The following ARMC2 variants were observed in gnomAD, a reference collection of about 807,000 sequenced individuals.
ARMC2 encodes the protein armadillo repeat-containing protein 2.
A neutral mutation model predicts 90.3 loss-of-function variants in ARMC2; 67 were observed. The observed-to-expected ratio is 0.74, with a 90% confidence interval of 0.61 to 0.91. ARMC2 has a LOEUF of 0.91. Among genes scored for constraint, ARMC2 ranks in the 40% least tolerant of loss-of-function variants. The pLI, the probability that ARMC2 is intolerant of heterozygous loss-of-function variation, is 0.00. For missense variants in ARMC2, 920 were observed against 1,030.9 expected (o/e 0.89, Z 1.47); for synonymous variants, 393 against 393.0 (o/e 1.00, Z 0.00).
At chr6:108,963,812 A>G (rs2128513971) in intron 15 of ARMC2, among the ~76,000 whole-genome samples, 1 of 152,308 alleles carries the variant, frequency 6.6e-6, no homozygotes. Flanking sequence ...AGGACTGTGT[A>G]TTTAAAGACA....
intron 3 of ARMC2, among the ~76,000 whole-genome samples, chr6:108,865,164 G>T (rs1775688630): frequency 6.6e-6 from 1 of 151,954 alleles, no homozygotes; most frequent in African/African-American, 2.4e-5. Context: ...TGTATTTTTA[G>T]TAGAGATGGG....
chr6:108,959,252 A>G lies in ARMC2; in HGVS notation c.1916-2320A>G, dbSNP rs1422707333. On this transcript the variant is annotated intron_variant, in intron 13 of 17. Coordinates refer to ENST00000392644, the MANE Select transcript of ARMC2 (RefSeq NM_032131.6). The stretch of plus-strand genomic sequence containing the variant: ...AATGACTGAGCTTTCCTTTCAACAT[A>G]GTAATTTATAAAAAGGCTGTTCTCT... 3.3e-5 allele frequency among the ~76,000 whole-genome samples: 5 copies of G among 152,288 alleles called. No individual in the cohort carries two copies. In the East Asian group the frequency reaches 9.6e-4, roughly 29 times the overall value.
chr6:108,862,952 T>C (rs749786527), intron 3 of ARMC2, among the ~76,000 whole-genome samples: 1 of 152,172 alleles, frequency 6.6e-6, no homozygotes, highest in Non-Finnish European at 1.5e-5. Flanking sequence ...CTCCCCATCC[T>C]ATCTGGCATG....
intron 12 of ARMC2, among the ~76,000 whole-genome samples, chr6:108,939,478 GCT>G (rs1047883028): frequency 6.6e-6 from 1 of 152,008 alleles, no homozygotes; most frequent in Non-Finnish European, 1.5e-5. Context: ...ACCTCCCCCT[GCT>G]CTCTCTCTTC....
chr6:108,894,353 A>G (rs2128457183), intron 5 of ARMC2, 114 bp from the exon 6 acceptor site: 2 of 863,506 alleles, frequency 2.3e-6, no homozygotes, highest in Non-Finnish European at 1.7e-6. Context: ...TGGATGACAG[A>G]GTGAGACCTA....
chr6:108,876,364 T>G lies in ARMC2; in HGVS notation c.671+14T>G. ...CAAGAATGGAGGGTCAGTATTCTTT[T>G]TATTTAATTTTCTGGTCAGGATAAT... is the stretch of plus-strand genomic sequence containing the variant. On this transcript the variant is annotated intron_variant, in intron 5 of 17. Coordinates refer to ENST00000392644, the MANE Select transcript of ARMC2 (RefSeq NM_032131.6). 1 of 1,600,616 alleles carries G rather than the reference T, an allele frequency of 6.2e-7. No homozygotes were observed. The highest frequency in any genetic ancestry group is 1.1e-5 in the South Asian group (1 of 88,806).
the ARMC2 span, chr6:109,001,315 T>C: frequency 1.2e-6 from 2 of 1,613,770 alleles, no homozygotes; most frequent in South Asian, 2.2e-5. Context: ...GACGATAATG[T>C]AGGGGTAACG....
At chr6:109,028,686 C>G in the ARMC2 span, among the ~76,000 whole-genome samples, 1 of 152,152 alleles carries the variant, frequency 6.6e-6, no homozygotes, top group African/African-American at 2.4e-5. Context: ...ACATGGAAGA[C>G]TGGGCAACAC....
At chr6:109,039,954 G>A in the ARMC2 span, among the ~76,000 whole-genome samples, 9 of 152,322 alleles carry the variant, frequency 5.9e-5, no homozygotes, top group East Asian at 1.9e-4. Flanking sequence ...AGCTGTGGCT[G>A]GGATTTCACA....
chr6:108,923,240 T>C (rs749467728), intron 10 of ARMC2, among the ~76,000 whole-genome samples: 4 of 152,202 alleles, frequency 2.6e-5, no homozygotes, highest in Non-Finnish European at 5.9e-5. Flanking sequence ...AAAGATTATA[T>C]ACAATAAAAA....
At chr6:109,039,034 AAAG>A in the ARMC2 span, among the ~76,000 whole-genome samples, 10 of 124,772 alleles carry the variant, frequency 8.0e-5, no homozygotes, top group East Asian at 2.0e-4. Flanking sequence ...AAAGAGAAAG[AAAG>A]AAGAAGGAGG....
the ARMC2 span, chr6:109,009,233 G>T: frequency 1.1e-6 from 1 of 948,964 alleles, no homozygotes; most frequent in Non-Finnish European, 1.4e-6. Flanking sequence ...TCTGGGGAGC[G>T]TTTTCGGATG....
In ARMC2 at chr6:108,848,506, T is replaced by C. The variant is rs1367930722; in HGVS notation, c.-84T>C. The C allele has an allele frequency of 6.6e-6, 1 of 152,334 alleles. No individual in the cohort carries two copies. 9.4% of individuals were successfully genotyped at this position (152,334 alleles called of 1,614,324 possible). Reference sequence around the variant, plus strand: ...TACCCGGGGAGAGCCGGAGGATGAATTGAACCTCGCAGCCGCTGCTATCTC... The same window carrying C: ...TACCCGGGGAGAGCCGGAGGATGAACTGAACCTCGCAGCCGCTGCTATCTC... On this transcript the variant is annotated 5_prime_UTR_variant, in exon 1 of 18. Transcript: ENST00000392644.
rs1039610626 is a variant in ARMC2, at chr6:108,974,304, A to G, written c.*790A>G. On this transcript the variant is annotated 3_prime_UTR_variant, in exon 18 of 18. Transcript: ENST00000392644. ...GAGCTGCAACTGCAAAATGGGAATC[A>G]TATCAATTTTACTGTAGTGTAGTTT... The G allele has an allele frequency of 6.6e-6, 1 of 152,328 alleles. No individual in the cohort carries two copies. Among genetic ancestry groups the G allele is most frequent in the East Asian group, 1.9e-4 (1 of 5,182 alleles). The allele number at this position is 152,328 out of a possible 1,614,324, so 9.4% of individuals were successfully genotyped here.
chr6:109,028,498 T>C, the ARMC2 span, among the ~76,000 whole-genome samples: 1 of 152,152 alleles, frequency 6.6e-6, no homozygotes, highest in Non-Finnish European at 1.5e-5. Flanking sequence ...TACTGTCTGA[T>C]GAGTTTCTAC....
intron 4 of ARMC2, among the ~76,000 whole-genome samples, chr6:108,869,238 T>C (rs768549229): frequency 1.3e-5 from 2 of 152,244 alleles, no homozygotes; most frequent in Non-Finnish European, 2.9e-5. Flanking sequence ...CTGGGCGCGG[T>C]GGCTCATGCC....
the ARMC2 span, chr6:109,002,273 CG>C: frequency 6.2e-7 from 1 of 1,612,310 alleles, no homozygotes; most frequent in South Asian, 1.1e-5. Flanking sequence ...TCACAAACAA[CG>C]TACCTCCTTT....
At chr6:109,020,081 G>A in the ARMC2 span, among the ~76,000 whole-genome samples, 3 of 152,088 alleles carry the variant, frequency 2.0e-5, no homozygotes, top group Non-Finnish European at 4.4e-5. Flanking sequence ...CTTTCCCTAA[G>A]AACAAAAACA....
chr6:108,990,081 A>G, the ARMC2 span, among the ~76,000 whole-genome samples: 2 of 152,254 alleles, frequency 1.3e-5, no homozygotes, highest in African/African-American at 4.8e-5. Flanking sequence ...ATAGTTAACT[A>G]GTAAGCACTG....
Sources: gnomAD v4.1 joint callset for allele counts (sites outside exome capture counted in the v4.1 genomes callset) on GRCh38, gnomAD v4.1.1 for gene constraint, MANE v1.5 for transcripts, NCBI Gene and HGNC (gene_info 2026-07-23, HGNC 2026-07-21) for gene names.